The following HS3ST5 variants were observed in gnomAD, a reference collection of about 807,000 sequenced individuals.
HS3ST5 encodes the protein heparan sulfate glucosamine 3-O-sulfotransferase 5.
In HS3ST5, 10 loss-of-function variants were observed where a neutral mutation model predicts 25.4. The observed-to-expected ratio is 0.39, with a 90% CI of 0.24 to 0.67. The LOEUF (loss-of-function observed/expected upper bound fraction) is 0.67. HS3ST5 is among the 30% of genes least tolerant of loss of function. The pLI is 0.44. For missense variants in HS3ST5, 324 were observed against 420.7 expected, an observed-to-expected ratio of 0.77 and a Z score of 2.01; for synonymous variants, 170 against 162.4, an observed-to-expected ratio of 1.05 and a Z score of -0.36.
At chr6:114,097,488 AT>A (rs1775495370) in intron 3 of HS3ST5, among the ~76,000 whole-genome samples, 1 of 151,896 alleles carries the variant, frequency 6.6e-6, no homozygotes, top group African/African-American at 2.4e-5. Context: ...GTATATTGTA[AT>A]TTATGTTTGT....
rs767022598 is a variant in HS3ST5, at chr6:114,062,720, A to T, written c.107+19T>A. On this transcript the variant is annotated intron_variant, in intron 4 of 4. Coordinates refer to ENST00000312719, the MANE Select transcript of HS3ST5 (RefSeq NM_153612.4). The stretch of plus-strand genomic sequence containing the variant: ...GCCTTAATGTCACAGGGGTATAAGC[A>T]TGTGTTTTAAGCACCCACCTATCCA... The T allele has an allele frequency of 6.7e-7, 1 of 1,500,358 alleles. No homozygotes were observed. The highest frequency in any genetic ancestry group is 9.3e-7 in the Non-Finnish European group (1 of 1,076,568). The allele number at this position is 1,500,358 out of a possible 1,614,324, so 92.9% of individuals were successfully genotyped here.
intron 1 of HS3ST5, among the ~76,000 whole-genome samples, chr6:114,341,250 A>AGAGAGAGAGAGT (rs1776850084): frequency 6.7e-6 from 1 of 149,586 alleles, no homozygotes; most frequent in African/African-American, 2.5e-5. Flanking sequence ...AGAGAGAGAG[A>AGAGAGAGAGAGT]GAGAGAGAGA....
chr6:114,106,111 G>C (rs995872862), intron 3 of HS3ST5, among the ~76,000 whole-genome samples: 1 of 152,078 alleles, frequency 6.6e-6, no homozygotes, highest in African/African-American at 2.4e-5. Flanking sequence ...CACTACACTT[G>C]TAATTAAGCT....
chr6:114,081,784 A>G (rs1774463818), intron 3 of HS3ST5, among the ~76,000 whole-genome samples: 1 of 152,160 alleles, frequency 6.6e-6, no homozygotes, highest in Non-Finnish European at 1.5e-5. Flanking sequence ...GCTGTTTTAG[A>G]TAATATTTGT....
intron 1 of HS3ST5, among the ~76,000 whole-genome samples, chr6:114,319,951 C>T (rs1775897465): frequency 6.6e-6 from 1 of 152,000 alleles, no homozygotes; most frequent in African/African-American, 2.4e-5. Flanking sequence ...ATGGACGGCA[C>T]ATCAAGTTGT....
intron 3 of HS3ST5, among the ~76,000 whole-genome samples, chr6:114,160,868 T>C (rs192308553): frequency 6.6e-6 from 1 of 152,274 alleles, no homozygotes; most frequent in Admixed American, 6.5e-5. Flanking sequence ...AAAGCTGACA[T>C]GGAAAATAAT....
At chr6:114,231,552 C>A (rs1434334346) in intron 1 of HS3ST5, 1 of 152,054 alleles carries the variant, frequency 6.6e-6, no homozygotes, top group Non-Finnish European at 1.5e-5. Flanking sequence ...TAATTCTCCC[C>A]ATAATATGAA....
chr6:114,316,078 G>A (rs1222427023), intron 1 of HS3ST5, among the ~76,000 whole-genome samples: 1 of 152,118 alleles, frequency 6.6e-6, no homozygotes, highest in Middle Eastern at 3.2e-3. Context: ...ATCTAACCCT[G>A]CAGTGCCATT....
intron 2 of HS3ST5, among the ~76,000 whole-genome samples, chr6:114,187,061 A>G (rs916248283): frequency 1.3e-5 from 2 of 152,188 alleles, no homozygotes; most frequent in African/African-American, 4.8e-5. Context: ...CCAAAAGATC[A>G]CTGCTCATTG....
intron 1 of HS3ST5, among the ~76,000 whole-genome samples, chr6:114,288,115 A>C (rs1470439502): frequency 1.3e-5 from 2 of 152,140 alleles, no homozygotes; most frequent in Non-Finnish European, 2.9e-5. Context: ...AATACATAGA[A>C]TATACATGCA....
At chr6:114,248,269 C>T (rs1772479208) in intron 1 of HS3ST5, among the ~76,000 whole-genome samples, 1 of 148,504 alleles carries the variant, frequency 6.7e-6, no homozygotes, top group Non-Finnish European at 1.5e-5. Flanking sequence ...ACTAATTATA[C>T]ATACATATGA....
At chr6:114,208,052 G>A (rs546513071) in intron 2 of HS3ST5, among the ~76,000 whole-genome samples, 39 of 152,140 alleles carry the variant, frequency 2.6e-4, no homozygotes, top group Non-Finnish European at 2.4e-4. Flanking sequence ...AATACTTCAC[G>A]GTTAACCAAA....
chr6:114,295,080 A>G (rs1774757563), intron 1 of HS3ST5, among the ~76,000 whole-genome samples: 1 of 152,208 alleles, frequency 6.6e-6, no homozygotes, highest in African/African-American at 2.4e-5. Context: ...GCATCAGAAC[A>G]AAATCACACA....
intron 1 of HS3ST5, among the ~76,000 whole-genome samples, chr6:114,321,560 T>C (rs1477253434): frequency 1.3e-5 from 2 of 152,156 alleles, no homozygotes; most frequent in Admixed American, 1.3e-4. Context: ...CTCTCAATAG[T>C]TGTTAACAGT....
At chr6:114,076,049 T>A (rs541189211) in intron 3 of HS3ST5, among the ~76,000 whole-genome samples, 1 of 152,264 alleles carries the variant, frequency 6.6e-6, no homozygotes, top group Non-Finnish European at 1.5e-5. Context: ...CACAATAGAT[T>A]ACTGAGGGAA....
intron 2 of HS3ST5, among the ~76,000 whole-genome samples, chr6:114,215,805 A>G (rs1781731343): frequency 6.6e-6 from 1 of 152,000 alleles, no homozygotes; most frequent in Admixed American, 6.6e-5. Context: ...ATACCTCCTC[A>G]TTACTGTTGT....
rs370704897 is a variant in HS3ST5 at position 114,282,068 on chromosome 6, A to T, written c.-338-53290T>A. 14 of 152,120 alleles carry T rather than the reference A, an allele frequency of 9.2e-5. No homozygotes were observed. In the South Asian group the frequency reaches 2.9e-3, roughly 32 times the overall value. The allele number at this position is 152,120 out of a possible 1,614,324, so 9.4% of individuals were successfully genotyped here. A position where few individuals can be genotyped will look rare whatever the true frequency, so the allele number is the denominator to read the frequency against. On this transcript the variant is annotated intron_variant, in intron 1 of 4. Coordinates refer to ENST00000312719, the MANE Select transcript of HS3ST5 (RefSeq NM_153612.4). Reference sequence around the variant, plus strand: ...TATACTGAAATAATCTTTAAATAAAACTCAGAAACTGTATGTGTATGTATG... The same window carrying T: ...TATACTGAAATAATCTTTAAATAAATCTCAGAAACTGTATGTGTATGTATG...
chr6:114,076,209 G>A (rs936454957), intron 3 of HS3ST5, among the ~76,000 whole-genome samples: 1 of 152,080 alleles, frequency 6.6e-6, no homozygotes, highest in African/African-American at 2.4e-5. Flanking sequence ...CTCAAACTAG[G>A]TTACCCTGCT....
chr6:114,062,941 G>A (rs758956080), intron 3 of HS3ST5, 64 bp from the exon 4 acceptor site: 1 of 895,214 alleles, frequency 1.1e-6, no homozygotes, highest in Non-Finnish European at 1.8e-6. Flanking sequence ...ACAGAGCTAA[G>A]CAGAGGTGGA....
Sources: gnomAD v4.1 joint callset for allele counts (sites outside exome capture counted in the v4.1 genomes callset) on GRCh38, gnomAD v4.1.1 for gene constraint, MANE v1.5 for transcripts, NCBI Gene and HGNC (gene_info 2026-07-23, HGNC 2026-07-21) for gene names.